The following UTS2 variants were observed in gnomAD, a reference collection of about 807,000 sequenced individuals.
The protein encoded by UTS2 is urotensin 2.
Under a neutral mutation model 12.6 loss-of-function variants are expected in UTS2, and 10 were observed. The ratio of observed to expected loss-of-function variants is 0.80; its 90% CI spans 0.49 to 1.35. UTS2 has a LOEUF of 1.35. Among genes scored for constraint, UTS2 ranks in the 40% most tolerant of loss-of-function variants. The probability of loss-of-function intolerance (pLI) is 0.00; values close to 1 mark genes in which losing one functional copy is unlikely to be tolerated. For missense variants in UTS2, 142 were observed against 143.2 expected, an observed-to-expected ratio of 0.99 and a Z score of 0.04; for synonymous variants, 52 against 50.0, an observed-to-expected ratio of 1.04 and a Z score of -0.17.
the UTS2 span, among the ~76,000 whole-genome samples, chr1:7,898,400 C>T: frequency 4.6e-5 from 7 of 152,072 alleles, no homozygotes; most frequent in Admixed American, 4.6e-4. Context: ...TGCAGAGTAC[C>T]CTCAAGATGG....
the UTS2 span, among the ~76,000 whole-genome samples, chr1:7,865,810 C>T: frequency 4.6e-5 from 7 of 152,030 alleles, no homozygotes; most frequent in Non-Finnish European, 1.0e-4. Context: ...GTGGCACACA[C>T]CTGTGGTCCC....
chr1:7,907,681 ATAAC>A, the UTS2 span, among the ~76,000 whole-genome samples: 6 of 151,938 alleles, frequency 3.9e-5, no homozygotes, highest in Non-Finnish European at 8.8e-5. Flanking sequence ...CAAAATGTAA[ATAAC>A]TAACTGACAG....
At chr1:7,877,678 G>C in the UTS2 span, among the ~76,000 whole-genome samples, 5 of 152,148 alleles carry the variant, frequency 3.3e-5, no homozygotes, top group African/African-American at 9.7e-5. Flanking sequence ...TTCGAGACCA[G>C]CCTGAGCAAC....
At chr1:7,848,543 T>TG (rs2097410252) in intron 3 of UTS2, among the ~76,000 whole-genome samples, 1 of 152,168 alleles carries the variant, frequency 6.6e-6, no homozygotes, top group African/African-American at 2.4e-5. Flanking sequence ...TCTTTTGAGA[T>TG]GGAGTTTTGC....
At chr1:7,906,697 A>G in the UTS2 span, among the ~76,000 whole-genome samples, 1 of 152,178 alleles carries the variant, frequency 6.6e-6, no homozygotes, top group Non-Finnish European at 1.5e-5. Context: ...CAACACCAGT[A>G]CTAACCCAAC....
the UTS2 span, among the ~76,000 whole-genome samples, chr1:7,864,676 A>G: frequency 6.6e-6 from 1 of 152,136 alleles, no homozygotes; most frequent in Non-Finnish European, 1.5e-5. Flanking sequence ...TCCCCCTAAA[A>G]TCATTCGCAC....
the UTS2 span, among the ~76,000 whole-genome samples, chr1:7,891,797 C>CA: frequency 6.6e-6 from 1 of 151,988 alleles, no homozygotes; most frequent in Non-Finnish European, 1.5e-5. Context: ...GAAACCAGAT[C>CA]AAAAAAGGAG....
At chr1:7,868,771 A>G in the UTS2 span, among the ~76,000 whole-genome samples, 2 of 152,204 alleles carry the variant, frequency 1.3e-5, no homozygotes, top group African/African-American at 4.8e-5. Context: ...CAAAATTCAT[A>G]CAATCAAGCC....
At chr1:7,893,650 G>C in the UTS2 span, among the ~76,000 whole-genome samples, 1 of 152,176 alleles carries the variant, frequency 6.6e-6, no homozygotes, top group African/African-American at 2.4e-5. Flanking sequence ...CTAAGACCAT[G>C]AGCTGAATAT....
intron 3 of UTS2, among the ~76,000 whole-genome samples, chr1:7,848,509 ATACTG>A: frequency 9.6e-6 from 1 of 104,350 alleles, no homozygotes; most frequent in Non-Finnish European, 2.2e-5. Context: ...TGTATTGTGT[ATACTG>A]TATTGTATTG....
the UTS2 span, among the ~76,000 whole-genome samples, chr1:7,871,684 G>T: frequency 6.6e-6 from 1 of 152,034 alleles, no homozygotes; most frequent in Non-Finnish European, 1.5e-5. Context: ...CACATTTTCA[G>T]AATTCTCACA....
At chr1:7,912,252 G>A in the UTS2 span, among the ~76,000 whole-genome samples, 1 of 152,160 alleles carries the variant, frequency 6.6e-6, no homozygotes, top group Admixed American at 6.6e-5. Context: ...CAGGTACTCT[G>A]AGATTCCTGA....
At chr1:7,868,857 A>C in the UTS2 span, among the ~76,000 whole-genome samples, 135,944 of 152,106 alleles carry the variant, frequency 0.89, 60,923 homozygotes, top group East Asian at 0.96. Flanking sequence ...CATGAGGGTG[A>C]GACCCCCATG....
chr1:7,887,040 CAAAAAAA>C, the UTS2 span, among the ~76,000 whole-genome samples: 3 of 34,726 alleles, frequency 8.6e-5, no homozygotes, highest in African/African-American at 3.8e-4. Context: ...GACTCCGTCT[CAAAAAAA>C]AAAAAAAAAA....
At chr1:7,854,833 A>C (rs565845797), upstream of UTS2, among the ~76,000 whole-genome samples, 1 of 152,020 alleles carries the variant, frequency 6.6e-6, no homozygotes, top group Non-Finnish European at 1.5e-5. Flanking sequence ...GTATGCATAT[A>C]TCAAAACATC....
At chr1:7,862,305 C>T in the UTS2 span, among the ~76,000 whole-genome samples, 10 of 152,054 alleles carry the variant, frequency 6.6e-5, no homozygotes, top group South Asian at 4.1e-4. Context: ...GCAGTTCCCC[C>T]GCTATGTCCC....
At chr1:7,886,624 T>C in the UTS2 span, among the ~76,000 whole-genome samples, 1 of 152,216 alleles carries the variant, frequency 6.6e-6, no homozygotes, top group African/African-American at 2.4e-5. Flanking sequence ...GACCTTGGCA[T>C]TATCCCAGAA....
chr1:7,904,028 T>A, the UTS2 span, among the ~76,000 whole-genome samples: 25 of 152,198 alleles, frequency 1.6e-4, no homozygotes, highest in East Asian at 1.9e-4. Flanking sequence ...GTTAGAATTT[T>A]AGGGTTTTGT....
the UTS2 span, among the ~76,000 whole-genome samples, chr1:7,862,980 A>ATTGTGTTGTGTTGTG: frequency 2.1e-4 from 11 of 53,366 alleles, no homozygotes; most frequent in East Asian, 1.8e-3. Context: ...GCCGTTATTT[A>ATTGTGTTGTGTTGTG]TTGTGTTGTG....
Sources: allele counts gnomAD v4.1 joint callset (sites outside exome capture counted in the v4.1 genomes callset), GRCh38; gene constraint gnomAD v4.1.1; transcripts MANE v1.5; gene names NCBI Gene and HGNC (gene_info 2026-07-23, HGNC 2026-07-21).